Variants in AFF2 observed in about 807,000 individuals in gnomAD.
AFF2 encodes AF4/FMR2 family member 2.
A neutral mutation model predicts 76.9 loss-of-function variants in AFF2; 14 were observed. The observed-to-expected ratio is 0.18, with a 90% CI of 0.12 to 0.28. The LOEUF is 0.28. Ranked by LOEUF, AFF2 falls within the 10% of genes least tolerant of loss-of-function variation. The pLI is 1.00. For missense variants in AFF2, 868 were observed against 1,001.1 expected (o/e 0.87, Z 1.79); for synonymous variants, 398 against 366.7 (o/e 1.09, Z -0.98).
At chrX:148,680,173 A>G (rs151178919) in intron 3 of AFF2, among the ~76,000 whole-genome samples, 1,341 of 112,186 alleles carry the variant, frequency 0.012, 23 homozygotes, top group African/African-American at 0.041. Flanking sequence ...AGGGGGATCC[A>G]AAAACTTTAG....
intron 1 of AFF2, among the ~76,000 whole-genome samples, chrX:148,585,666 C>T (rs1439794850): frequency 1.8e-5 from 2 of 108,246 alleles, no homozygotes; most frequent in African/African-American, 6.7e-5. Flanking sequence ...GGTGAAACCC[C>T]CTCTCTACTA....
At chrX:148,687,093 A>G (rs2124496930) in intron 3 of AFF2, among the ~76,000 whole-genome samples, 1 of 111,705 alleles carries the variant, frequency 9.0e-6, no homozygotes, top group Non-Finnish European at 1.9e-5. Flanking sequence ...CTCTAGGGGA[A>G]TTTTCCTGAC....
intron 3 of AFF2, among the ~76,000 whole-genome samples, chrX:148,703,043 T>C (rs1373359115): frequency 2.7e-5 from 3 of 111,857 alleles, no homozygotes; most frequent in Admixed American, 1.9e-4. Context: ...TTTTATCTTA[T>C]AGTAAAACCA....
chrX:148,676,874 A>T (rs1335650943), intron 3 of AFF2, among the ~76,000 whole-genome samples: 1 of 110,892 alleles, frequency 9.0e-6, no homozygotes, highest in Non-Finnish European at 1.9e-5. Context: ...CCTCTACATG[A>T]TGGGGAGTCT....
intron 1 of AFF2, among the ~76,000 whole-genome samples, chrX:148,618,871 G>A (rs919569285): frequency 9.0e-6 from 1 of 110,845 alleles, no homozygotes; most frequent in African/African-American, 3.3e-5. Flanking sequence ...TACTGAAAGA[G>A]TATTATGTTG....
At chrX:148,613,159 T>A (rs782707410) in intron 1 of AFF2, among the ~76,000 whole-genome samples, 1 of 111,691 alleles carries the variant, frequency 9.0e-6, no homozygotes, top group East Asian at 2.9e-4. Context: ...CATTTATCAT[T>A]GTACCTCCCC....
At chrX:148,981,899 T>C (rs2072398917) in intron 19 of AFF2, among the ~76,000 whole-genome samples, 1 of 112,687 alleles carries the variant, frequency 8.9e-6, no homozygotes, top group South Asian at 3.7e-4. Flanking sequence ...CATTGAAAAC[T>C]ACACATTAAC....
chrX:148,843,246 C>G (rs782672122), intron 6 of AFF2, 136 bp from the exon 7 acceptor site: 6 of 532,754 alleles, frequency 1.1e-5, no homozygotes, highest in South Asian at 4.0e-5. Context: ...TGGTTCCCCC[C>G]CTTTTTTTTT....
chrX:148,900,622 A>G (rs1557280784), intron 8 of AFF2, among the ~76,000 whole-genome samples: 2 of 111,552 alleles, frequency 1.8e-5, no homozygotes, highest in African/African-American at 6.5e-5. Flanking sequence ...TTAATAAAAA[A>G]GTAAAGAGCC....
At chrX:148,845,027 A>T (rs782403401) in intron 7 of AFF2, among the ~76,000 whole-genome samples, 4 of 110,291 alleles carry the variant, frequency 3.6e-5, no homozygotes, top group Non-Finnish European at 7.6e-5. Context: ...CCCCCTTGTT[A>T]TTCTAGGAAA....
chrX:148,904,370 C>A, intron 9 of AFF2, 112 bp downstream of exon 9: 2 of 491,080 alleles, frequency 4.1e-6, no homozygotes, highest in Non-Finnish European at 6.8e-6. Context: ...CTATTCATGA[C>A]AATTTAAAGA....
intron 3 of AFF2, among the ~76,000 whole-genome samples, chrX:148,763,529 T>C (rs782773919): frequency 1.8e-5 from 2 of 110,854 alleles, no homozygotes; most frequent in Non-Finnish European, 3.8e-5. Flanking sequence ...TTATTAACAA[T>C]GTGTTGTATA....
intron 1 of AFF2, among the ~76,000 whole-genome samples, chrX:148,558,070 G>C (rs1557239920): frequency 8.9e-6 from 1 of 112,042 alleles, no homozygotes; most frequent in Non-Finnish European, 1.9e-5. Context: ...TAGAGCCACA[G>C]ATTACTGCTT....
intron 7 of AFF2, among the ~76,000 whole-genome samples, chrX:148,858,829 T>C (rs1557276151): frequency 2.7e-5 from 3 of 109,917 alleles, no homozygotes; most frequent in African/African-American, 9.9e-5. Flanking sequence ...ATAGTGTTAT[T>C]TCTCCCAAAA....
At chrX:148,540,875 G>A (rs782312474) in intron 1 of AFF2, among the ~76,000 whole-genome samples, 7 of 112,093 alleles carry the variant, frequency 6.2e-5, no homozygotes, top group African/African-American at 1.9e-4. Context: ...GGTGTCTTTC[G>A]TTAGTAAAAA....
chrX:148,895,570 AGTGTGTGTGTGT>A (rs60601698), intron 8 of AFF2, among the ~76,000 whole-genome samples: 66 of 95,311 alleles, frequency 6.9e-4, no homozygotes, highest in African/African-American at 2.4e-3. Context: ...TGAGTGAGTG[AGTGTGTGTGTGT>A]GTGTGTGTGT....
At chrX:148,770,888 T>C (rs2069578672) in intron 3 of AFF2, among the ~76,000 whole-genome samples, 1 of 112,235 alleles carries the variant, frequency 8.9e-6, no homozygotes, top group Non-Finnish European at 1.9e-5. Flanking sequence ...GCTTACAAGA[T>C]TGGCCTGTGG....
rs782500615 is a variant in AFF2 at position 148,899,820 on chromosome X, A to G, written c.1360-4401A>G. Among the ~76,000 whole-genome samples the G allele has an allele frequency of 1.1e-4, 12 of 111,350 alleles. No individual in the cohort carries two copies. The South Asian group carries it at 4.2e-3, about 39-fold the overall frequency. The stretch of plus-strand genomic sequence containing the variant: ...CTAGGCCATCCAAATGTTCACTTTG[A>G]CAGTCTCAACATACAGGAAACATAT... On this transcript the variant is annotated intron_variant, in intron 8 of 20. Coordinates refer to ENST00000370460, the MANE Select transcript of AFF2 (RefSeq NM_002025.4).
At chrX:148,667,553 A>T (rs1363990052) in intron 3 of AFF2, among the ~76,000 whole-genome samples, 1 of 112,027 alleles carries the variant, frequency 8.9e-6, no homozygotes, top group Non-Finnish European at 1.9e-5. Flanking sequence ...ATGGACTTAC[A>T]GTTCCACGTG....
Sources: allele counts gnomAD v4.1 joint callset (sites outside exome capture counted in the v4.1 genomes callset), GRCh38; gene constraint gnomAD v4.1.1; transcripts MANE v1.5; gene names NCBI Gene and HGNC (gene_info 2026-07-23, HGNC 2026-07-21).